The following DRICH1 variants were observed in gnomAD, a reference collection of about 807,000 sequenced individuals.
The protein encoded by DRICH1 is aspartate-rich protein 1.
Under a neutral mutation model 39.5 loss-of-function variants are expected in DRICH1, and 38 were observed. That is an observed-to-expected ratio of 0.96 (90% confidence interval 0.74 to 1.26). The LOEUF is 1.26. Among genes scored for constraint, DRICH1 ranks in the 50% most tolerant of loss-of-function variants. The pLI, the probability that DRICH1 is intolerant of heterozygous loss-of-function variation, is 0.00. For synonymous variants in DRICH1, 84 were observed against 99.5 expected (o/e 0.84, Z 0.93); for missense variants, 279 against 270.4 (o/e 1.03, Z -0.22).
intron 1 of DRICH1, among the ~76,000 whole-genome samples, chr22:23,626,911 T>C (rs547078463): frequency 1.3e-5 from 2 of 152,132 alleles, no homozygotes; most frequent in African/African-American, 2.4e-5. Flanking sequence ...ATTCCCACTT[T>C]GATGTGCACG....
downstream of DRICH1, among the ~76,000 whole-genome samples, chr22:23,605,776 A>T (rs1258875328): frequency 1.3e-5 from 2 of 152,204 alleles, no homozygotes; most frequent in Non-Finnish European, 2.9e-5. Context: ...TATGATATTT[A>T]AAAATAAAAA....
intron 2 of DRICH1, 97 bp from the exon 3 acceptor site, chr22:23,625,001 C>A (rs890599617): frequency 4.4e-6 from 6 of 1,372,108 alleles, no homozygotes; most frequent in African/African-American, 1.4e-5. Context: ...CAGAAAACTA[C>A]TTTTGAAACA....
intron 11 of DRICH1, among the ~76,000 whole-genome samples, chr22:23,610,157 A>G (rs1602328671): frequency 6.6e-6 from 1 of 151,792 alleles, no homozygotes; most frequent in South Asian, 2.1e-4. Context: ...GCTGAGCCCA[A>G]CCGCCAGTCC....
At chr22:23,627,939 C>T (rs1430441031) in intron 1 of DRICH1, among the ~76,000 whole-genome samples, 5 of 152,176 alleles carry the variant, frequency 3.3e-5, no homozygotes, top group Non-Finnish European at 5.9e-5. Flanking sequence ...ACATGTTCTC[C>T]CCAGGACTGA....
At chr22:23,602,388 C>T in the DRICH1 span, among the ~76,000 whole-genome samples, 1 of 143,982 alleles carries the variant, frequency 6.9e-6, no homozygotes, top group Non-Finnish European at 1.5e-5. Context: ...CCCCTGTAAT[C>T]CCAGCACTGT....
At chr22:23,606,049 CAA>C (rs892475771), downstream of DRICH1, among the ~76,000 whole-genome samples, 14 of 92,194 alleles carry the variant, frequency 1.5e-4, no homozygotes, top group Admixed American at 1.4e-3. Flanking sequence ...ACTCCCGCCT[CAA>C]AAAAAAAAAA....
chr22:23,610,673 G>T (rs943685555), intron 11 of DRICH1: 10 of 152,198 alleles, frequency 6.6e-5, no homozygotes, highest in African/African-American at 2.4e-4. Flanking sequence ...GCTCTCTGCT[G>T]TTAGGTTTCC....
chr22:23,608,814 TTTGTG>T, intron 11 of DRICH1, 46 bp from the exon 12 acceptor site: 11 of 1,552,198 alleles, frequency 7.1e-6, no homozygotes, highest in Non-Finnish European at 9.6e-6. Flanking sequence ...GGCTCCCAGC[TTTGTG>T]CACTATGACA....
intron 8 of DRICH1, 74 bp from the exon 9 acceptor site, chr22:23,614,288 T>A: frequency 9.7e-7 from 1 of 1,026,198 alleles, no homozygotes; most frequent in South Asian, 1.3e-5. Context: ...CTTTGCTGGA[T>A]GTGGTGTATG....
intron 3 of DRICH1, among the ~76,000 whole-genome samples, chr22:23,622,948 G>GTTCAAA (rs1315209661): frequency 4.6e-5 from 7 of 152,162 alleles, no homozygotes; most frequent in African/African-American, 1.7e-4. Flanking sequence ...AAGTTTCCAG[G>GTTCAAA]TTCAAATATA....
In DRICH1 at chr22:23,612,360, G is replaced by A. The variant is rs145505567; in HGVS notation, c.685+929C>T. On this transcript the variant is annotated intron_variant, in intron 11 of 11. Transcript: ENST00000317749. The stretch of plus-strand genomic sequence containing the variant: ...TGGACACCTGTAGTCCCCACTACTC[G>A]GGAGGCTGAGGCACGAGAATGGCGT... 7.9e-3 allele frequency among the ~76,000 whole-genome samples: 1,203 copies of A among 151,632 alleles called. 15 individuals are homozygous for A. The highest frequency in any genetic ancestry group is 0.027 in the African/African-American group (1,101 of 41,280).
intron 3 of DRICH1, among the ~76,000 whole-genome samples, chr22:23,623,108 A>G (rs534794221): frequency 6.6e-6 from 1 of 152,340 alleles, no homozygotes; most frequent in African/African-American, 2.4e-5. Context: ...TATTGGTACA[A>G]GATATCACAA....
At chr22:23,599,776 G>C in the DRICH1 span, among the ~76,000 whole-genome samples, 1 of 152,058 alleles carries the variant, frequency 6.6e-6, no homozygotes, top group Non-Finnish European at 1.5e-5. Context: ...GCTGACATGG[G>C]ATCCCCAGTA....
the DRICH1 span, among the ~76,000 whole-genome samples, chr22:23,588,794 T>A: frequency 7.2e-5 from 11 of 152,282 alleles, no homozygotes. Context: ...CAATTTTTTT[T>A]AGCCAATTCT....
At chr22:23,619,465 T>C (rs1927581168) in intron 5 of DRICH1, 72 bp from the exon 6 acceptor site, 2 of 766,478 alleles carry the variant, frequency 2.6e-6, no homozygotes, top group South Asian at 2.8e-5. Flanking sequence ...CATGGTAATG[T>C]TGAAAAAGAA....
chr22:23,617,721 C>A, intron 6 of DRICH1, 64 bp from the exon 7 acceptor site: 1 of 1,518,996 alleles, frequency 6.6e-7, no homozygotes, highest in Non-Finnish European at 9.1e-7. Flanking sequence ...ACTCAGGGAG[C>A]TTTGCTGGAT....
At chr22:23,615,679 TTA>T (rs770396063) in intron 8 of DRICH1, among the ~76,000 whole-genome samples, 3 of 152,200 alleles carry the variant, frequency 2.0e-5, no homozygotes, top group Non-Finnish European at 2.9e-5. Flanking sequence ...TTAATGAATT[TTA>T]TATGTCTCAA....
chr22:23,620,633 A>C lies in DRICH1; in HGVS notation c.385-18T>G. The C allele has an allele frequency of 1.2e-6, 2 of 1,613,616 alleles. No homozygotes were observed. The highest frequency in any genetic ancestry group is 3.3e-5 in the Admixed American group (2 of 60,022). On this transcript the variant is annotated intron_variant, in intron 4 of 11. Transcript: ENST00000317749. Reference sequence around the variant, plus strand: ...GGTAAAATCTGCAACGAGACAAAAGAAGATGCTATGAGGATCAGATCAATT... The same window carrying C: ...GGTAAAATCTGCAACGAGACAAAAGCAGATGCTATGAGGATCAGATCAATT...
chr22:23,596,197 C>A, the DRICH1 span, among the ~76,000 whole-genome samples: 3 of 152,166 alleles, frequency 2.0e-5, no homozygotes, highest in Non-Finnish European at 2.9e-5. Context: ...TCTAGCACCT[C>A]TTCTCTTTCC....
Sources: gnomAD v4.1 joint callset for allele counts (sites outside exome capture counted in the v4.1 genomes callset) on GRCh38, gnomAD v4.1.1 for gene constraint, MANE v1.5 for transcripts, NCBI Gene and HGNC (gene_info 2026-07-23, HGNC 2026-07-21) for gene names.